Variants in FAM53B observed in about 807,000 individuals in gnomAD.
FAM53B encodes family with sequence similarity 53 member B.
FAM53B carries 12 observed loss-of-function variants against 32.7 expected under a neutral mutation model. That is an observed-to-expected ratio of 0.37 (90% CI 0.24 to 0.59). FAM53B has a LOEUF of 0.59. Ranked by LOEUF, FAM53B falls within the 20% of genes least tolerant of loss-of-function variation. FAM53B has a pLI of 0.72. For synonymous variants in FAM53B, 234 were observed against 228.7 expected (o/e 1.02, Z -0.21); for missense variants, 477 against 577.7 (o/e 0.83, Z 1.79).
intron 4 of FAM53B, among the ~76,000 whole-genome samples, chr10:124,662,037 C>T (rs1198261651): frequency 6.6e-6 from 1 of 152,208 alleles, no homozygotes; most frequent in Non-Finnish European, 1.5e-5. Flanking sequence ...AACCCCTCAC[C>T]TCCATGACTC....
At position 124,733,971 on chromosome 10, in the gene FAM53B, C is replaced by T. The variant is rs959097199; in HGVS notation, c.-175+10042G>A. 6.6e-6 allele frequency among the ~76,000 whole-genome samples: 1 copy of T among 152,212 alleles called. No individual in the cohort carries two copies. Among genetic ancestry groups the T allele is most frequent in the African/African-American group, 2.4e-5 (1 of 41,462 alleles). On this transcript the variant is annotated intron_variant, in intron 1 of 4. Transcript: ENST00000337318. This position sits in a 1 kb window ranked among gnomAD's most constrained non-coding sequence, Gnocchi z 4.3. ...GCTGTGACTGGGGACACCTGCTCTCCTGGTCTCGAATGTCTCCTCCTCCCC... is the reference window on the plus strand; with the variant it reads ...GCTGTGACTGGGGACACCTGCTCTCTTGGTCTCGAATGTCTCCTCCTCCCC...
intron 4 of FAM53B, among the ~76,000 whole-genome samples, chr10:124,640,442 G>A (rs1949463251): frequency 1.3e-5 from 2 of 152,222 alleles, no homozygotes; most frequent in Admixed American, 6.5e-5. Flanking sequence ...AGGGCTTGGA[G>A]CCACCCTAAA....
intron 4 of FAM53B, among the ~76,000 whole-genome samples, chr10:124,656,119 C>T (rs928406579): frequency 6.6e-6 from 1 of 152,252 alleles, no homozygotes; most frequent in South Asian, 2.1e-4. Context: ...GAAACCTGAA[C>T]ATGGGTCCTT....
At chr10:124,685,232 G>T (rs781380050) in intron 3 of FAM53B, among the ~76,000 whole-genome samples, 3 of 152,278 alleles carry the variant, frequency 2.0e-5, no homozygotes, top group Admixed American at 6.5e-5. Flanking sequence ...CAGCTGGTTG[G>T]TTAATTTATT....
intron 4 of FAM53B, among the ~76,000 whole-genome samples, chr10:124,666,880 G>T (rs1302689079): frequency 6.6e-6 from 1 of 152,218 alleles, no homozygotes; most frequent in Non-Finnish European, 1.5e-5. Flanking sequence ...GTCTCCTGGG[G>T]CCTGCTATAC....
At chr10:124,670,383 C>T (rs1949700825) in intron 4 of FAM53B, among the ~76,000 whole-genome samples, 1 of 152,138 alleles carries the variant, frequency 6.6e-6, no homozygotes, top group East Asian at 1.9e-4. Context: ...CTGAGTATCC[C>T]ATCAGATCCT....
At chr10:124,656,666 A>T (rs1658064822) in intron 4 of FAM53B, among the ~76,000 whole-genome samples, 1 of 152,196 alleles carries the variant, frequency 6.6e-6, no homozygotes, top group South Asian at 2.1e-4. Flanking sequence ...TGATGAGATC[A>T]TAGGTGATGT....
rs1949782307 is a variant in FAM53B, at chr10:124,682,925, C to T, written c.134-546G>A. On this transcript the variant is annotated intron_variant, in intron 3 of 4. Transcript: ENST00000337318. The surrounding 1 kb of genome is among the most constrained non-coding windows in gnomAD (Gnocchi z 5.2). Reference sequence around the variant, plus strand: ...CTGCCAGGTTAGTTCACCCCAATTCCACCTTGAAAGCCTTTGCTGATAATA... The same window carrying T: ...CTGCCAGGTTAGTTCACCCCAATTCTACCTTGAAAGCCTTTGCTGATAATA... Among the ~76,000 whole-genome samples the T allele has an allele frequency of 6.6e-6, 1 of 152,242 alleles. No individual in the cohort carries two copies. Among genetic ancestry groups the T allele is most frequent in the Non-Finnish European group, 1.5e-5 (1 of 68,040 alleles).
At chr10:124,684,292 T>G (rs1304412445) in intron 3 of FAM53B, among the ~76,000 whole-genome samples, 4 of 152,212 alleles carry the variant, frequency 2.6e-5, no homozygotes, top group African/African-American at 9.6e-5. Flanking sequence ...ATCTCTGAAA[T>G]TTCCCAGGGC....
chr10:124,639,579 C>T (rs1159378439), intron 4 of FAM53B, among the ~76,000 whole-genome samples: 1 of 152,204 alleles, frequency 6.6e-6, no homozygotes, highest in Non-Finnish European at 1.5e-5. Context: ...AGAGGCCCAA[C>T]TCAGGCTCCA....
chr10:124,662,124 A>C (rs1589742202), intron 4 of FAM53B, among the ~76,000 whole-genome samples: 2 of 152,046 alleles, frequency 1.3e-5, no homozygotes, highest in South Asian at 4.2e-4. Flanking sequence ...CCCTGCCCAG[A>C]CCCCCTCCTG....
At chr10:124,638,145 G>A (rs551763927) in intron 4 of FAM53B, among the ~76,000 whole-genome samples, 11 of 152,218 alleles carry the variant, frequency 7.2e-5, no homozygotes, top group South Asian at 6.2e-4. Context: ...TGAGGCAGGC[G>A]GATCACGAGG....
chr10:124,658,149 A>G (rs955126369), intron 4 of FAM53B, among the ~76,000 whole-genome samples: 1 of 152,226 alleles, frequency 6.6e-6, no homozygotes. Context: ...GGGCAGAGAC[A>G]GGGGCAGCGA....
rs781409822 is a variant in FAM53B at position 124,682,413 on chromosome 10, T to A, written c.134-34A>T. The stretch of plus-strand genomic sequence containing the variant: ...TAAATGACAAGGAGAAAACAGGATT[T>A]GAGAAGACCTTCACTCCAGCCCTTT... On this transcript the variant is annotated intron_variant, in intron 3 of 4. Coordinates refer to ENST00000337318, the MANE Select transcript of FAM53B (RefSeq NM_014661.4). This position sits in a 1 kb window ranked among gnomAD's most constrained non-coding sequence, Gnocchi z 5.2. 1 of 1,553,796 alleles carries A rather than the reference T, an allele frequency of 6.4e-7. No individual in the cohort carries two copies. Among genetic ancestry groups the A allele is most frequent in the South Asian group, 1.2e-5 (1 of 85,702 alleles).
In FAM53B at chr10:124,667,212, C is replaced by A. The variant is rs544857136; in HGVS notation, c.906+14395G>T. On this transcript the variant is annotated intron_variant, in intron 4 of 4. Coordinates refer to ENST00000337318, the MANE Select transcript of FAM53B (RefSeq NM_014661.4). Reference sequence around the variant, plus strand: ...AAATAGTGCATTCATGATTTACTTACATCGATGACATGTGGAAATGATAGT... The same window carrying A: ...AAATAGTGCATTCATGATTTACTTAAATCGATGACATGTGGAAATGATAGT... 4.1e-5 allele frequency: 23 copies of A among 556,134 alleles called. No individual in the cohort carries two copies. In the South Asian group the frequency reaches 5.1e-4, roughly 12 times the overall value. The allele number at this position is 556,134 out of a possible 1,614,324, so 34.4% of individuals were successfully genotyped here. A position where few individuals can be genotyped will look rare whatever the true frequency, so the allele number is the denominator to read the frequency against.
Position 124,620,566 on chromosome 10 carries a change from C to T in FAM53B, c.*2676G>A, listed in dbSNP as rs1949303652. On this transcript the variant is annotated 3_prime_UTR_variant, in exon 5 of 5. Transcript: ENST00000337318. ...ATGCTGGTGGGGGTGAGCTGTCTGC[C>T]TGCTGCCCATGGGGACACCAATGTG... 2.6e-5 allele frequency: 4 copies of T among 152,332 alleles called. No homozygotes were observed. The highest frequency in any genetic ancestry group is 2.0e-4 in the Admixed American group (3 of 15,286). 9.4% of individuals were successfully genotyped at this position (152,332 alleles called of 1,614,324 possible).
chr10:124,725,070 C>T (rs1247138138), intron 1 of FAM53B, among the ~76,000 whole-genome samples: 2 of 152,136 alleles, frequency 1.3e-5, no homozygotes, highest in African/African-American at 4.8e-5. Context: ...CACTCCTTGA[C>T]AAAACAAAAC....
At position 124,682,370 on chromosome 10, in the gene FAM53B, C is replaced by G; in HGVS notation, c.143G>C (p.Arg48Thr). 1 of 1,594,962 alleles carries G rather than the reference C, an allele frequency of 6.3e-7. No homozygotes were observed. Among genetic ancestry groups the G allele is most frequent in the Non-Finnish European group, 8.6e-7 (1 of 1,167,846 alleles). ...GCATTTCCTGTCCAGGTCTCGCCATCTGTCATTTTCTGGTTCATAAATGAC... is the reference window on the plus strand; with the variant it reads ...GCATTTCCTGTCCAGGTCTCGCCATGTGTCATTTTCTGGTTCATAAATGAC... ...LFSCGIMEND[R>T]WRDLDRKCPL... Residue 48 changes from arginine (R) to threonine (T), a missense_variant, in exon 4 of 5, where the codon AGA becomes ACA. Arg to Thr is a moderately conservative substitution (Grantham distance 71). Coordinates refer to ENST00000337318, the MANE Select transcript of FAM53B (RefSeq NM_014661.4). The surrounding 1 kb of genome is among the most constrained non-coding windows in gnomAD (Gnocchi z 5.2).
intron 4 of FAM53B, among the ~76,000 whole-genome samples, chr10:124,654,400 G>C (rs190490304): frequency 6.6e-6 from 1 of 152,228 alleles, no homozygotes; most frequent in Non-Finnish European, 1.5e-5. Flanking sequence ...GGCCACTTCC[G>C]GTCTGTGGCC....
Sources: allele counts gnomAD v4.1 joint callset (sites outside exome capture counted in the v4.1 genomes callset), GRCh38; gene constraint gnomAD v4.1.1; non-coding constraint Gnocchi (gnomAD v3.1); transcripts MANE v1.5; gene names NCBI Gene and HGNC (gene_info 2026-07-23, HGNC 2026-07-21).